Variants in SYCP1 observed in about 807,000 individuals in gnomAD.
SYCP1 encodes cancer/testis antigen 8.
In SYCP1, 64 loss-of-function variants were observed where a neutral mutation model predicts 153.1. The observed-to-expected ratio is 0.42, with a 90% CI of 0.34 to 0.51. SYCP1 has a LOEUF of 0.51. Among genes scored for constraint, SYCP1 ranks in the 20% least tolerant of loss-of-function variants. The pLI is 0.06. For missense variants in SYCP1, 997 were observed against 1,049.0 expected (o/e 0.95, Z 0.68); for synonymous variants, 384 against 341.8 (o/e 1.12, Z -1.36).
chr1:114,970,763 C>G (rs1160530296), intron 27 of SYCP1, among the ~76,000 whole-genome samples: 1 of 152,114 alleles, frequency 6.6e-6, no homozygotes. Context: ...TGATGTGATT[C>G]ATCTTCAGGT....
intron 15 of SYCP1, 75 bp from the exon 16 acceptor site, chr1:114,895,373 A>G (rs1276751823): frequency 2.0e-6 from 2 of 989,178 alleles, no homozygotes; most frequent in Non-Finnish European, 2.9e-6. Context: ...GCGTAGTATT[A>G]TGCTTGTTCC....
intron 27 of SYCP1, among the ~76,000 whole-genome samples, chr1:114,960,173 T>TTG (rs1375555371): frequency 6.9e-6 from 1 of 144,656 alleles, no homozygotes; most frequent in African/African-American, 2.6e-5. Context: ...GTTTTTTTTT[T>TTG]TTTTTTTTTT....
chr1:114,975,688 G>C (rs1179945832), intron 27 of SYCP1, among the ~76,000 whole-genome samples: 1 of 151,618 alleles, frequency 6.6e-6, no homozygotes, highest in Non-Finnish European at 1.5e-5. Context: ...GTTACTAGAT[G>C]ACTGTCTTAA....
intron 23 of SYCP1, among the ~76,000 whole-genome samples, chr1:114,941,982 G>GA (rs1369308720): frequency 6.6e-6 from 1 of 151,986 alleles, no homozygotes; most frequent in East Asian, 1.9e-4. Context: ...AAGCATTTTG[G>GA]AAAAGGAATA....
intron 20 of SYCP1, among the ~76,000 whole-genome samples, chr1:114,917,621 T>G (rs1668594246): frequency 1.3e-5 from 2 of 152,154 alleles, no homozygotes; most frequent in African/African-American, 4.8e-5. Context: ...GTTTCCTTTT[T>G]CTCTGCATCC....
intron 21 of SYCP1, chr1:114,923,756 G>A (rs578115872): frequency 3.4e-6 from 1 of 289,958 alleles, no homozygotes; most frequent in Admixed American, 5.7e-5. Context: ...CTTTTAACGT[G>A]TTAAATATTT....
At chr1:114,967,852 C>G (rs1034891561) in intron 27 of SYCP1, among the ~76,000 whole-genome samples, 1 of 152,152 alleles carries the variant, frequency 6.6e-6, no homozygotes, top group African/African-American at 2.4e-5. Flanking sequence ...GTGCTTCCTT[C>G]AGGAGCTCTT....
At chr1:114,954,563 ATTTATTTATTTATTTATTT>A (rs1158270820) in intron 27 of SYCP1, among the ~76,000 whole-genome samples, 1 of 149,952 alleles carries the variant, frequency 6.7e-6, no homozygotes, top group Admixed American at 6.7e-5. Flanking sequence ...TTATTTATTT[ATTTATTTATTTATTTATTT>A]TTTATTTATT....
intron 27 of SYCP1, among the ~76,000 whole-genome samples, chr1:114,955,893 C>A (rs1272085481): frequency 6.6e-6 from 1 of 152,230 alleles, no homozygotes; most frequent in East Asian, 1.9e-4. Flanking sequence ...CTCTTTGTCC[C>A]TGAGCTTGCA....
chr1:114,927,051 G>A (rs1425884234), intron 23 of SYCP1, among the ~76,000 whole-genome samples: 3 of 151,992 alleles, frequency 2.0e-5, no homozygotes, highest in African/African-American at 4.8e-5. Flanking sequence ...AACAATGACT[G>A]ACAGTAAGTA....
At chr1:114,971,113 T>A (rs547358041) in intron 27 of SYCP1, among the ~76,000 whole-genome samples, 11 of 152,268 alleles carry the variant, frequency 7.2e-5, no homozygotes, top group South Asian at 6.2e-4. Context: ...TGGCCTAACA[T>A]CACCTGGATA....
chr1:114,923,582 C>G (rs761366316), intron 21 of SYCP1, 52 bp downstream of exon 21: 3 of 1,470,120 alleles, frequency 2.0e-6, no homozygotes, highest in Non-Finnish European at 2.8e-6. Flanking sequence ...ATTATAAAAG[C>G]AACACCATAT....
At chr1:114,867,361 A>G (rs1664826134) in intron 8 of SYCP1, among the ~76,000 whole-genome samples, 1 of 152,116 alleles carries the variant, frequency 6.6e-6, no homozygotes. Flanking sequence ...ACATCTTGAC[A>G]ATATTGAATC....
intron 16 of SYCP1, among the ~76,000 whole-genome samples, chr1:114,904,425 C>A (rs1330881808): frequency 6.6e-6 from 1 of 152,070 alleles, no homozygotes; most frequent in Non-Finnish European, 1.5e-5. Context: ...CTAGAATTAG[C>A]TTTTCTATAC....
chr1:114,989,808 A>C (rs542079469), intron 30 of SYCP1, among the ~76,000 whole-genome samples: 1 of 152,096 alleles, frequency 6.6e-6, no homozygotes, highest in Admixed American at 6.5e-5. Context: ...AAGATATGAC[A>C]ATTTTAAACA....
At chr1:114,926,432 G>A (rs965218903) in intron 22 of SYCP1, 69 bp from the exon 23 acceptor site, 1 of 1,484,644 alleles carries the variant, frequency 6.7e-7, no homozygotes, top group South Asian at 1.4e-5. Context: ...AGTAATTTAA[G>A]TCTAAGTCAG....
chr1:114,907,210 A>G (rs1667868190), intron 16 of SYCP1, among the ~76,000 whole-genome samples: 1 of 152,144 alleles, frequency 6.6e-6, no homozygotes, highest in African/African-American at 2.4e-5. Flanking sequence ...ATATTTGTAC[A>G]TATGTGCTTA....
At chr1:114,866,886 G>T (rs1180042144) in intron 8 of SYCP1, among the ~76,000 whole-genome samples, 1 of 149,930 alleles carries the variant, frequency 6.7e-6, no homozygotes, top group African/African-American at 2.4e-5. Context: ...AAGGGTGTAA[G>T]ATCTGTGTCC....
intron 26 of SYCP1, among the ~76,000 whole-genome samples, chr1:114,946,907 T>C (rs1268934311): frequency 6.6e-6 from 1 of 151,920 alleles, no homozygotes; most frequent in East Asian, 1.9e-4. Context: ...ACCCGGCTAA[T>C]TTTTGTATTA....
Sources: allele counts gnomAD v4.1 joint callset (sites outside exome capture counted in the v4.1 genomes callset), GRCh38; gene constraint gnomAD v4.1.1; transcripts MANE v1.5; gene names NCBI Gene and HGNC (gene_info 2026-07-23, HGNC 2026-07-21).